ADGRL2: variants seen among roughly 807,000 people sequenced by gnomAD.
The protein encoded by ADGRL2 is adhesion G protein-coupled receptor L2, also known as calcium-independent alpha-latrotoxin receptor 2.
Under a neutral mutation model 157.4 loss-of-function variants are expected in ADGRL2, and 44 were observed. That is an observed-to-expected ratio of 0.28 (90% CI 0.22 to 0.36). The LOEUF (loss-of-function observed/expected upper bound fraction) is 0.36, where lower values mean the gene tolerates loss of function less well. ADGRL2 is among the 10% of genes least tolerant of loss of function. ADGRL2 has a pLI of 1.00. For synonymous variants in ADGRL2, 585 were observed against 624.7 expected, an observed-to-expected ratio of 0.94 and a Z score of 0.95; for missense variants, 1,510 against 1,768.9, an observed-to-expected ratio of 0.85 and a Z score of 2.63.
chr1:81,906,270 A>G (rs1040596003), intron 2 of ADGRL2, among the ~76,000 whole-genome samples: 1 of 152,190 alleles, frequency 6.6e-6, no homozygotes, highest in African/African-American at 2.4e-5. Flanking sequence ...TCTCTGAAGA[A>G]CTGAGAGTTC....
chr1:81,448,885 C>T (rs755973800), intron 2 of ADGRL2, among the ~76,000 whole-genome samples: 8 of 151,992 alleles, frequency 5.3e-5, no homozygotes, highest in Non-Finnish European at 8.8e-5. Context: ...ATATTACACC[C>T]AAAACTTTTC....
At chr1:81,666,931 A>G (rs1025361687) in intron 3 of ADGRL2, among the ~76,000 whole-genome samples, 1 of 152,170 alleles carries the variant, frequency 6.6e-6, no homozygotes, top group Non-Finnish European at 1.5e-5. Context: ...GAAGGTATAC[A>G]TCATATCCTT....
chr1:81,486,389 A>G (rs981600132), intron 2 of ADGRL2, among the ~76,000 whole-genome samples: 2 of 152,118 alleles, frequency 1.3e-5, no homozygotes, highest in African/African-American at 4.8e-5. Context: ...TGATTCCTAA[A>G]TTGTCTCTGA....
chr1:81,829,222 T>C (rs1251075147), intron 1 of ADGRL2, among the ~76,000 whole-genome samples: 2 of 152,186 alleles, frequency 1.3e-5, no homozygotes, highest in Admixed American at 1.3e-4. Context: ...CTTAGAGGAA[T>C]CAGCTACACC....
chr1:81,438,423 G>A (rs1443701020), intron 1 of ADGRL2, among the ~76,000 whole-genome samples: 3 of 152,034 alleles, frequency 2.0e-5, no homozygotes, highest in Admixed American at 6.6e-5. Context: ...ATTATTTTCC[G>A]TGTTGCTGAG....
intron 3 of ADGRL2, among the ~76,000 whole-genome samples, chr1:81,911,905 G>A (rs1384430818): frequency 4.8e-5 from 7 of 146,488 alleles, no homozygotes; most frequent in Non-Finnish European, 9.0e-5. Context: ...GCGGGGGGAT[G>A]GATTGAAATT....
chr1:81,725,171 C>G (rs943315063), intron 1 of ADGRL2, among the ~76,000 whole-genome samples: 2 of 141,870 alleles, frequency 1.4e-5, no homozygotes, highest in African/African-American at 5.3e-5. Flanking sequence ...TGCCACTGCA[C>G]TCTAGTCTGG....
At chr1:81,444,365 G>C (rs577730271) in intron 1 of ADGRL2, among the ~76,000 whole-genome samples, 1 of 152,160 alleles carries the variant, frequency 6.6e-6, no homozygotes, top group Non-Finnish European at 1.5e-5. Flanking sequence ...CCTAACAGGA[G>C]AGTAAATCCC....
chr1:81,705,121 C>T (rs534142490), intron 1 of ADGRL2, among the ~76,000 whole-genome samples: 31 of 152,198 alleles, frequency 2.0e-4, no homozygotes, highest in Non-Finnish European at 3.7e-4. Context: ...GGTGCAATCT[C>T]GGCTCACTGC....
chr1:81,805,215 A>G (rs1252698993), intron 1 of ADGRL2, among the ~76,000 whole-genome samples: 1 of 152,142 alleles, frequency 6.6e-6, no homozygotes, highest in Admixed American at 6.5e-5. Flanking sequence ...TTCAATATCC[A>G]TGAATGAAAA....
chr1:81,438,327 C>A lies in ADGRL2; in HGVS notation c.-301-6709C>A, dbSNP rs573965546. On this transcript the variant is annotated intron_variant, in intron 1 of 24. Transcript: ENST00000370721. ...AGAACCATTATTAATAAATAAATTG[C>A]ATAAATTTAGAATTAAATAATTAAA... Among the ~76,000 whole-genome samples the A allele has an allele frequency of 5.3e-5, 8 of 152,140 alleles. No individual in the cohort carries two copies. The South Asian group carries it at 1.7e-3, about 32-fold the overall frequency.
chr1:81,315,145 T>A (rs1045762383), intron 1 of ADGRL2, among the ~76,000 whole-genome samples: 2 of 152,152 alleles, frequency 1.3e-5, no homozygotes, highest in African/African-American at 4.8e-5. Context: ...CATCAGAGTG[T>A]CTGCTTTAAA....
intron 1 of ADGRL2, among the ~76,000 whole-genome samples, chr1:81,345,789 A>G (rs959159816): frequency 6.6e-6 from 1 of 152,206 alleles, no homozygotes; most frequent in African/African-American, 2.4e-5. Flanking sequence ...AATGCTTAGA[A>G]TATTTTTCAT....
At chr1:81,789,664 T>C (rs1185699512) in intron 2 of ADGRL2, among the ~76,000 whole-genome samples, 5 of 143,968 alleles carry the variant, frequency 3.5e-5, no homozygotes, top group Non-Finnish European at 7.5e-5. Flanking sequence ...AGGTGGAGGT[T>C]GCAGTGAGCG....
chr1:81,642,087 A>G (rs1389658977), intron 3 of ADGRL2, among the ~76,000 whole-genome samples: 1 of 147,750 alleles, frequency 6.8e-6, no homozygotes, highest in Non-Finnish European at 1.5e-5. Flanking sequence ...TAAACATACA[A>G]AAAAAAAAAA....
rs980789287 is a variant in ADGRL2, at chr1:81,705,528, G to A, written c.-143+5720G>A. Among the ~76,000 whole-genome samples, 42 of 152,072 alleles carry A rather than the reference G, an allele frequency of 2.8e-4. No individual in the cohort carries two copies. In the East Asian group the frequency reaches 4.7e-3, roughly 17 times the overall value. ...CTCCCAAAGTGCTGGGATTACAGGC[G>A]TGAGCCATGCGCCCGGCTGGGAGCA... On this transcript the variant is annotated intron_variant, in intron 1 of 20. Coordinates refer to the ADGRL2 transcript ENST00000359929.
At chr1:81,490,332 A>G (rs2078604674) in intron 2 of ADGRL2, among the ~76,000 whole-genome samples, 1 of 152,030 alleles carries the variant, frequency 6.6e-6, no homozygotes, top group Non-Finnish European at 1.5e-5. Flanking sequence ...GGGCTTCAAC[A>G]TGTTAGTCAG....
rs996056489 is a variant in ADGRL2, at chr1:81,392,674, G to A, written c.-301-52362G>A. On this transcript the variant is annotated intron_variant, in intron 1 of 24. Coordinates refer to the ADGRL2 transcript ENST00000370721. ...AGACCATGCCCAATAGTATTAGGGA[G>A]ATATGTGTTTGACTATGATCTTGAA... is the stretch of plus-strand genomic sequence containing the variant. Among the ~76,000 whole-genome samples the A allele has an allele frequency of 2.6e-5, 4 of 152,128 alleles. No individual in the cohort carries two copies. In the South Asian group the frequency reaches 8.3e-4, roughly 31 times the overall value.
In ADGRL2 at chr1:81,943,716, A is replaced by C; in HGVS notation, c.1157A>C (p.Asn386Thr). ...GATAACCAACTTTACGTGTGGAACAATAACTTCATTTTACGATATTCTCTG... is the reference window on the plus strand; with the variant it reads ...GATAACCAACTTTACGTGTGGAACACTAACTTCATTTTACGATATTCTCTG... The part of the protein sequence containing the change: ...PRDNQLYVWN[N>T]NFILRYSLEF... The change falls in exon 6 of 24, where the codon AAT (asparagine) becomes ACT (threonine). Residue 386 changes from asparagine to threonine, a missense_variant. This residue lies in a region of ADGRL2 where 361 missense variants were observed against 498.4 expected (regional missense o/e 0.72). Transcript: ENST00000686636. This position sits in a 1 kb window ranked among gnomAD's most constrained non-coding sequence, Gnocchi z 5.6. 1 of 1,613,614 alleles carries C rather than the reference A, an allele frequency of 6.2e-7. No individual in the cohort carries two copies. The highest frequency in any genetic ancestry group is 8.5e-7 in the Non-Finnish European group (1 of 1,179,630).
Sources: allele counts gnomAD v4.1 joint callset (sites outside exome capture counted in the v4.1 genomes callset), GRCh38; gene constraint gnomAD v4.1.1; regional missense constraint gnomAD v4.1.1; non-coding constraint Gnocchi (gnomAD v3.1); transcripts MANE v1.5; gene names NCBI Gene and HGNC (gene_info 2026-07-23, HGNC 2026-07-21).